WASF2: variants seen among roughly 807,000 people sequenced by gnomAD.
The protein encoded by WASF2 is WASP family member 2, also known as actin-binding protein WASF2.
WASF2 carries 14 observed loss-of-function variants against 45.0 expected under a neutral mutation model. The ratio of observed to expected loss-of-function variants is 0.31; its 90% confidence interval spans 0.21 to 0.49. The LOEUF (loss-of-function observed/expected upper bound fraction) is 0.49, where lower values mean the gene tolerates loss of function less well. Among genes scored for constraint, WASF2 ranks in the 20% least tolerant of loss-of-function variants. The pLI is 0.99. For missense variants in WASF2, 439 were observed against 636.1 expected (o/e 0.69, Z 3.33); for synonymous variants, 200 against 236.3 (o/e 0.85, Z 1.41).
chr1:27,450,476 C>T (rs1310230804), intron 1 of WASF2, among the ~76,000 whole-genome samples: 2 of 152,016 alleles, frequency 1.3e-5, no homozygotes, highest in East Asian at 1.9e-4. Flanking sequence ...AAGCTGTCTG[C>T]CTTTCTTTTT....
chr1:27,456,336 A>C (rs772300132), intron 1 of WASF2, among the ~76,000 whole-genome samples: 147 of 124,870 alleles, frequency 1.2e-3, no homozygotes, highest in Non-Finnish European at 1.5e-3. Context: ...AAAAAAAAAA[A>C]AACAACAATG....
intron 1 of WASF2, among the ~76,000 whole-genome samples, chr1:27,484,564 T>C (rs2148146986): frequency 6.6e-6 from 1 of 152,032 alleles, no homozygotes; most frequent in Non-Finnish European, 1.5e-5. Flanking sequence ...TCCCAGAACT[T>C]TGGGAGGCCG....
In WASF2 at chr1:27,481,494, T is replaced by C. The variant is rs187006833; in HGVS notation, c.-44+8492A>G. Reference sequence around the variant, plus strand: ...TGGGCAGATCACTTGAGGCCAGGAGTTTGAGACCAGCCTGGCCAACATGAC... The same window carrying C: ...TGGGCAGATCACTTGAGGCCAGGAGCTTGAGACCAGCCTGGCCAACATGAC... On this transcript the variant is annotated intron_variant, in intron 1 of 8. Transcript: ENST00000618852. Among the ~76,000 whole-genome samples, 729 of 149,438 alleles carry C rather than the reference T, an allele frequency of 4.9e-3. 5 individuals carry two copies. The highest frequency in any genetic ancestry group is 0.017 in the African/African-American group (697 of 40,544).
chr1:27,426,711 T>C (rs538403110), intron 2 of WASF2, among the ~76,000 whole-genome samples: 1 of 152,154 alleles, frequency 6.6e-6, no homozygotes, highest in East Asian at 1.9e-4. Context: ...GGTTTCACCA[T>C]GTTGGCCAGG....
intron 1 of WASF2, among the ~76,000 whole-genome samples, chr1:27,451,941 C>A (rs776406327): frequency 3.9e-5 from 6 of 152,094 alleles, no homozygotes; most frequent in Non-Finnish European, 8.8e-5. Flanking sequence ...AGTAATAGAA[C>A]AATTACAGTA....
intron 1 of WASF2, 36 bp from the exon 2 acceptor site, chr1:27,428,969 A>C: frequency 4.0e-6 from 6 of 1,506,772 alleles, no homozygotes; most frequent in Non-Finnish European, 4.6e-6. Flanking sequence ...TTACTCAACC[A>C]CAAATTCCAG....
At chr1:27,462,718 A>G (rs1287876655) in intron 1 of WASF2, among the ~76,000 whole-genome samples, 2 of 152,198 alleles carry the variant, frequency 1.3e-5, no homozygotes, top group Non-Finnish European at 2.9e-5. Context: ...TAAATTGGAG[A>G]TTAATAATAG....
At chr1:27,421,677 A>T (rs369138241) in intron 2 of WASF2, among the ~76,000 whole-genome samples, 52 of 152,290 alleles carry the variant, frequency 3.4e-4, no homozygotes, top group African/African-American at 1.2e-3. Context: ...TGAGATGGGC[A>T]TGGTGGCAGG....
chr1:27,470,593 ATGAC>A (rs1469084947), intron 1 of WASF2, among the ~76,000 whole-genome samples: 6 of 149,708 alleles, frequency 4.0e-5, no homozygotes, highest in African/African-American at 7.3e-5. Context: ...TGTTCAATAA[ATGAC>A]TGACTGACTG....
intron 1 of WASF2, among the ~76,000 whole-genome samples, chr1:27,473,207 GC>G (rs2148139108): frequency 6.6e-6 from 1 of 151,884 alleles, no homozygotes; most frequent in East Asian, 1.9e-4. Flanking sequence ...ATGGCCAAGA[GC>G]GGTGGCTCAT....
intron 1 of WASF2, among the ~76,000 whole-genome samples, chr1:27,467,593 G>A (rs969058356): frequency 3.3e-5 from 5 of 150,862 alleles, no homozygotes; most frequent in Non-Finnish European, 5.9e-5. Flanking sequence ...GAGCCACCAC[G>A]CCTAGCCAAA....
intron 1 of WASF2, among the ~76,000 whole-genome samples, chr1:27,476,091 C>T (rs2017761963): frequency 6.6e-6 from 1 of 152,120 alleles, no homozygotes; most frequent in Non-Finnish European, 1.5e-5. Context: ...ACTAATAACC[C>T]AATACTAGGC....
chr1:27,426,951 C>T (rs985659115), intron 2 of WASF2, among the ~76,000 whole-genome samples: 4 of 152,160 alleles, frequency 2.6e-5, no homozygotes, highest in Non-Finnish European at 5.9e-5. Context: ...AGTAGGCAAT[C>T]AACAAATGTG....
chr1:27,425,613 C>T (rs1246170044), intron 2 of WASF2, among the ~76,000 whole-genome samples: 1 of 152,062 alleles, frequency 6.6e-6, no homozygotes, highest in Non-Finnish European at 1.5e-5. Context: ...CCCAGGTGGG[C>T]GGATCACGAG....
At chr1:27,483,775 T>G (rs985855241) in intron 1 of WASF2, among the ~76,000 whole-genome samples, 1 of 151,734 alleles carries the variant, frequency 6.6e-6, no homozygotes, top group African/African-American at 2.4e-5. Flanking sequence ...GCAACATAGT[T>G]AGACCTCGTC....
intron 1 of WASF2, among the ~76,000 whole-genome samples, chr1:27,474,209 T>C (rs1201011473): frequency 2.0e-5 from 3 of 152,220 alleles, no homozygotes; most frequent in Non-Finnish European, 4.4e-5. Flanking sequence ...GATAGATACA[T>C]AGGAGTTCAT....
In WASF2 at chr1:27,410,347, A is replaced by G. The variant is rs187800088; in HGVS notation, c.825-141T>C. Reference sequence around the variant, plus strand: ...CACTTAAACAGAAAGAAAAGCCTACAGATGGTCATAACAGACCAATAATGA... The same window carrying G: ...CACTTAAACAGAAAGAAAAGCCTACGGATGGTCATAACAGACCAATAATGA... On this transcript the variant is annotated intron_variant, in intron 7 of 8. Transcript: ENST00000618852. This position sits in a 1 kb window ranked among gnomAD's most constrained non-coding sequence, Gnocchi z 4.2. The G allele has an allele frequency of 1.3e-3, 1,935 of 1,444,566 alleles. 45 individuals carry two copies. The highest frequency in any genetic ancestry group is 1.0e-4 in the Non-Finnish European group (109 of 1,093,606). 89.5% of individuals were successfully genotyped at this position (1,444,566 alleles called of 1,614,324 possible).
chr1:27,462,619 T>C (rs1025612571), intron 1 of WASF2, among the ~76,000 whole-genome samples: 2 of 152,114 alleles, frequency 1.3e-5, no homozygotes, highest in Non-Finnish European at 2.9e-5. Flanking sequence ...CTAATGCTCT[T>C]TATGGAAAAT....
chr1:27,426,370 G>C (rs2016981602), intron 2 of WASF2, among the ~76,000 whole-genome samples: 1 of 152,120 alleles, frequency 6.6e-6, no homozygotes, highest in South Asian at 2.1e-4. Flanking sequence ...TAATAGTTTA[G>C]GTGAAAGTCA....
Sources: gnomAD v4.1 joint callset for allele counts (sites outside exome capture counted in the v4.1 genomes callset) on GRCh38, gnomAD v4.1.1 for gene constraint, Gnocchi (gnomAD v3.1) non-coding constraint, MANE v1.5 for transcripts, NCBI Gene and HGNC (gene_info 2026-07-23, HGNC 2026-07-21) for gene names.